KLHL13: variants seen among roughly 807,000 people sequenced by gnomAD.
The protein encoded by KLHL13 is kelch-like protein 13.
Under a neutral mutation model 37.1 loss-of-function variants are expected in KLHL13, and 10 were observed. That is an observed-to-expected ratio of 0.27 (90% CI 0.17 to 0.46). KLHL13 has a LOEUF of 0.46. KLHL13 is among the 20% of genes least tolerant of loss of function. The pLI is 1.00. For synonymous variants in KLHL13, 163 were observed against 181.2 expected (o/e 0.90, Z 0.81); for missense variants, 360 against 509.3 (o/e 0.71, Z 2.82).
chrX:118,035,952 GACAA>G (rs1288316577), intron 1 of KLHL13, among the ~76,000 whole-genome samples: 1 of 100,139 alleles, frequency 1.0e-5, no homozygotes, highest in East Asian at 2.9e-4. Flanking sequence ...ACCAACAACA[GACAA>G]ACAGAGAGCC....
At chrX:117,947,984 T>C (rs948809431) in intron 1 of KLHL13, 1 of 112,356 alleles carries the variant, frequency 8.9e-6, no homozygotes, top group Admixed American at 9.4e-5. Flanking sequence ...TTTCAACTCA[T>C]ATAGTTAAAT....
intron 1 of KLHL13, among the ~76,000 whole-genome samples, chrX:118,022,055 T>C (rs2054222012): frequency 8.9e-6 from 1 of 112,368 alleles, no homozygotes; most frequent in African/African-American, 3.2e-5. Flanking sequence ...TGTCTGTTCA[T>C]ATCCTTCACC....
chrX:118,039,525 G>A (rs2054486001), intron 1 of KLHL13, among the ~76,000 whole-genome samples: 1 of 111,415 alleles, frequency 9.0e-6, no homozygotes, highest in African/African-American at 3.3e-5. Flanking sequence ...GGGAAAAGTG[G>A]GGAGGACTTT....
At chrX:117,958,229 T>C (rs1325732418) in intron 1 of KLHL13, among the ~76,000 whole-genome samples, 12 of 111,801 alleles carry the variant, frequency 1.1e-4, no homozygotes, top group Admixed American at 3.8e-4. Flanking sequence ...ATACACTACG[T>C]TTTATTCCTA....
intron 1 of KLHL13, among the ~76,000 whole-genome samples, chrX:118,112,923 T>C (rs773508242): frequency 2.7e-5 from 3 of 112,328 alleles, no homozygotes; most frequent in African/African-American, 9.7e-5. Context: ...GATAAGCCCT[T>C]CTTAAAATTC....
At chrX:118,011,399 T>C (rs1314101042) in intron 1 of KLHL13, among the ~76,000 whole-genome samples, 1 of 108,907 alleles carries the variant, frequency 9.2e-6, no homozygotes. Context: ...TGACCATATT[T>C]ACATTTCAGA....
intron 1 of KLHL13, among the ~76,000 whole-genome samples, chrX:118,094,846 A>AT (rs1309077891): frequency 3.6e-5 from 4 of 111,425 alleles, no homozygotes; most frequent in Non-Finnish European, 5.7e-5. Flanking sequence ...ATGCTGAGAG[A>AT]TTTTGTCACC....
intron 1 of KLHL13, among the ~76,000 whole-genome samples, chrX:118,094,444 G>T (rs1166664785): frequency 8.1e-5 from 9 of 111,296 alleles, no homozygotes; most frequent in African/African-American, 2.9e-4. Context: ...AGGGAGAATG[G>T]AACCAAGTTG....
chrX:118,023,380 T>C (rs2054241215), intron 1 of KLHL13, among the ~76,000 whole-genome samples: 1 of 110,940 alleles, frequency 9.0e-6, no homozygotes, highest in South Asian at 3.8e-4. Context: ...ACTTTAAGTT[T>C]TAGGGTACAT....
intron 1 of KLHL13, among the ~76,000 whole-genome samples, chrX:118,060,113 T>C (rs765960828): frequency 8.9e-6 from 1 of 111,806 alleles, no homozygotes; most frequent in Non-Finnish European, 1.9e-5. Flanking sequence ...ACAGAGCATA[T>C]AAATGCTATG....
At chrX:118,088,312 C>T (rs192868918) in intron 1 of KLHL13, among the ~76,000 whole-genome samples, 13 of 111,636 alleles carry the variant, frequency 1.2e-4, no homozygotes, top group Admixed American at 5.7e-4. Context: ...ACTAGTTAAC[C>T]GGTACTGCAA....
intron 2 of KLHL13, among the ~76,000 whole-genome samples, chrX:117,938,361 G>A (rs1932880488): frequency 1.8e-5 from 2 of 111,305 alleles, no homozygotes; most frequent in African/African-American, 6.5e-5. Flanking sequence ...AAAAGGCCAT[G>A]ACTCGGTGGA....
intron 1 of KLHL13, among the ~76,000 whole-genome samples, chrX:117,960,509 A>G (rs890234333): frequency 3.6e-5 from 4 of 112,178 alleles, no homozygotes; most frequent in African/African-American, 1.3e-4. Context: ...TGCCCCCTGC[A>G]CCTGCCAAAC....
At chrX:117,992,452 A>C (rs2147949119) in intron 1 of KLHL13, among the ~76,000 whole-genome samples, 1 of 111,189 alleles carries the variant, frequency 9.0e-6, no homozygotes, top group South Asian at 3.8e-4. Flanking sequence ...TGTCCAAACA[A>C]ATGGTTTGTA....
At chrX:118,053,023 G>T (rs533851947) in intron 1 of KLHL13, among the ~76,000 whole-genome samples, 2 of 111,615 alleles carry the variant, frequency 1.8e-5, no homozygotes, top group African/African-American at 3.3e-5. Context: ...AGGCATGGGG[G>T]TGTGAGATTG....
At chrX:117,973,826 C>A, upstream of KLHL13, 1 of 556,002 alleles carries the variant, frequency 1.8e-6, no homozygotes, top group Non-Finnish European at 2.2e-6. Flanking sequence ...ACCACCCCCC[C>A]CACTCCTCCC....
rs556287685 is a variant in KLHL13, at chrX:118,056,040, G to A, written c.-56+60468C>T. 2.7e-5 allele frequency among the ~76,000 whole-genome samples: 3 copies of A among 111,539 alleles called. No individual in the cohort carries two copies. The South Asian group carries it at 1.1e-3, about 42-fold the overall frequency. Reference sequence around the variant, plus strand: ...AAACTATTTTTACTTTATTTTTTCAGAGCAGATGACATGAGCTTGTACGTA... The same window carrying A: ...AAACTATTTTTACTTTATTTTTTCAAAGCAGATGACATGAGCTTGTACGTA... On this transcript the variant is annotated intron_variant, in intron 1 of 6. Coordinates refer to the KLHL13 transcript ENST00000371882.
At chrX:118,106,030 T>C (rs1275709446) in intron 1 of KLHL13, among the ~76,000 whole-genome samples, 1 of 104,595 alleles carries the variant, frequency 9.6e-6, no homozygotes, top group Non-Finnish European at 1.9e-5. Context: ...GCCTCCCGAG[T>C]AGCTGGGACT....
intron 1 of KLHL13, among the ~76,000 whole-genome samples, chrX:117,979,512 C>A (rs935680610): frequency 9.0e-6 from 1 of 111,047 alleles, no homozygotes; most frequent in Non-Finnish European, 1.9e-5. Flanking sequence ...CATTCCTGGC[C>A]CGTTGGAAAG....
Sources: gnomAD v4.1 joint callset for allele counts (sites outside exome capture counted in the v4.1 genomes callset) on GRCh38, gnomAD v4.1.1 for gene constraint, MANE v1.5 for transcripts, NCBI Gene and HGNC (gene_info 2026-07-23, HGNC 2026-07-21) for gene names.